Variants in POT1 observed in about 807,000 individuals in gnomAD.
The protein encoded by POT1 is protection of telomeres 1.
POT1 carries 47 observed loss-of-function variants against 78.5 expected under a neutral mutation model. That is an observed-to-expected ratio of 0.60 (90% confidence interval 0.47 to 0.76). The LOEUF is 0.76. POT1 is among the 30% of genes least tolerant of loss of function. The pLI is 0.00. For synonymous variants in POT1, 259 were observed against 260.7 expected (o/e 0.99, Z 0.06); for missense variants, 646 against 749.9 (o/e 0.86, Z 1.62).
At chr7:124,925,269 A>C (rs1474377930) in intron 2 of POT1, among the ~76,000 whole-genome samples, 6 of 152,134 alleles carry the variant, frequency 3.9e-5, no homozygotes, top group Non-Finnish European at 8.8e-5. Flanking sequence ...GCTTCAGGAT[A>C]CAAAATCAAT....
intron 14 of POT1, among the ~76,000 whole-genome samples, chr7:124,837,526 G>A (rs909258694): frequency 2.6e-5 from 4 of 151,928 alleles, no homozygotes; most frequent in Non-Finnish European, 4.4e-5. Flanking sequence ...ACTCACACAA[G>A]GAGAAACAGA....
chr7:124,914,323 C>T (rs548391148), intron 3 of POT1, among the ~76,000 whole-genome samples: 24 of 151,930 alleles, frequency 1.6e-4, no homozygotes, highest in African/African-American at 5.8e-4. Context: ...AATTTGAAGC[C>T]CCTTGAAATT....
At chr7:124,921,286 AAG>A (rs1437141135) in intron 2 of POT1, among the ~76,000 whole-genome samples, 1 of 152,284 alleles carries the variant, frequency 6.6e-6, no homozygotes, top group African/African-American at 2.4e-5. Context: ...ATATGTCAAA[AAG>A]AAATCAAATC....
At chr7:124,852,927 C>T (rs748705674) in intron 10 of POT1, 45 bp downstream of exon 10, 1 of 1,544,110 alleles carries the variant, frequency 6.5e-7, no homozygotes, top group Non-Finnish European at 8.8e-7. Flanking sequence ...TAGAAATCGG[C>T]TTAATCGATA....
At chr7:124,890,195 G>A (rs769046317) in intron 6 of POT1, among the ~76,000 whole-genome samples, 2 of 151,864 alleles carry the variant, frequency 1.3e-5, no homozygotes, top group Non-Finnish European at 2.9e-5. Flanking sequence ...AGACTTTGGT[G>A]GAATTAAGTC....
chr7:124,861,990 T>C (rs888099144), intron 8 of POT1, among the ~76,000 whole-genome samples: 4 of 152,202 alleles, frequency 2.6e-5, no homozygotes, highest in African/African-American at 7.2e-5. Flanking sequence ...AGTACAATGC[T>C]TTTTTGGTTA....
At chr7:124,896,719 A>G (rs1050450950) in intron 5 of POT1, among the ~76,000 whole-genome samples, 9 of 151,750 alleles carry the variant, frequency 5.9e-5, no homozygotes, top group African/African-American at 1.9e-4. Flanking sequence ...AGTGGGGAAA[A>G]TGGTTAAAAA....
At chr7:124,904,709 C>A (rs1165471998) in intron 3 of POT1, among the ~76,000 whole-genome samples, 1 of 152,130 alleles carries the variant, frequency 6.6e-6, no homozygotes, top group Non-Finnish European at 1.5e-5. Flanking sequence ...TCAAATTGTC[C>A]CTGTTTGCAG....
intron 12 of POT1, among the ~76,000 whole-genome samples, chr7:124,844,518 C>T (rs1375419289): frequency 2.0e-5 from 3 of 149,560 alleles, no homozygotes; most frequent in African/African-American, 4.9e-5. Flanking sequence ...GGGTAGATCA[C>T]GAGGTCAAGA....
intron 5 of POT1, chr7:124,892,613 A>G (rs1796397906): frequency 3.5e-6 from 1 of 287,644 alleles, no homozygotes; most frequent in African/African-American, 2.2e-5. Flanking sequence ...GGCATAACCT[A>G]TAATCTAATT....
chr7:124,904,601 T>C (rs1796712346), intron 3 of POT1, among the ~76,000 whole-genome samples: 1 of 152,062 alleles, frequency 6.6e-6, no homozygotes, highest in Non-Finnish European at 1.5e-5. Flanking sequence ...AGGGATGCCC[T>C]CTCTCACCAC....
intron 2 of POT1, among the ~76,000 whole-genome samples, chr7:124,925,124 C>G (rs1264172853): frequency 6.6e-6 from 1 of 151,740 alleles, no homozygotes; most frequent in East Asian, 1.9e-4. Flanking sequence ...AACAATGAGG[C>G]AAGGGAAAAA....
chr7:124,847,069 T>C, intron 11 of POT1, 71 bp from the exon 12 acceptor site: 4 of 1,022,714 alleles, frequency 3.9e-6, no homozygotes, highest in South Asian at 1.4e-5. Context: ...CAATGGAGCG[T>C]TGCTGAGAGA....
intron 12 of POT1, among the ~76,000 whole-genome samples, chr7:124,844,362 C>A (rs2116473341): frequency 6.6e-6 from 1 of 151,066 alleles, no homozygotes; most frequent in East Asian, 2.0e-4. Context: ...CTCCCGTCCT[C>A]AGGTGATCTG....
intron 18 of POT1, among the ~76,000 whole-genome samples, chr7:124,825,015 C>T (rs1301626524): frequency 6.6e-6 from 1 of 152,114 alleles, no homozygotes; most frequent in Non-Finnish European, 1.5e-5. Flanking sequence ...TCAAAACTAT[C>T]TCCCTTTCCT....
At position 124,840,176 on chromosome 7, in the gene POT1, T is replaced by C. The variant is rs141081343; in HGVS notation, c.1369+797A>G. On this transcript the variant is annotated intron_variant, in intron 14 of 18. Transcript: ENST00000357628. ...CTGACACATAATCACCCAAAGTCTATAATTTACATAGAATTCCCTCATTTA... is the reference window on the plus strand; with the variant it reads ...CTGACACATAATCACCCAAAGTCTACAATTTACATAGAATTCCCTCATTTA... Among the ~76,000 whole-genome samples, 136 of 152,186 alleles carry C rather than the reference T, an allele frequency of 8.9e-4. No homozygotes were observed. In the East Asian group the frequency reaches 0.019, roughly 21 times the overall value.
chr7:124,884,012 C>T (rs568937895), intron 6 of POT1, among the ~76,000 whole-genome samples: 3 of 151,626 alleles, frequency 2.0e-5, no homozygotes, highest in African/African-American at 7.3e-5. Flanking sequence ...ATGTCAATTC[C>T]GGATATGTGG....
intron 18 of POT1, among the ~76,000 whole-genome samples, chr7:124,824,824 T>A (rs566428074): frequency 1.3e-5 from 2 of 151,714 alleles, no homozygotes; most frequent in South Asian, 4.2e-4. Flanking sequence ...TCACAAAAAA[T>A]TGGTAAAACA....
intron 2 of POT1, among the ~76,000 whole-genome samples, chr7:124,917,737 A>T (rs1331606085): frequency 6.6e-6 from 1 of 152,198 alleles, no homozygotes; most frequent in Non-Finnish European, 1.5e-5. Flanking sequence ...GTCTCAGAGT[A>T]GAGGGGATAA....
Sources: gnomAD v4.1 joint callset for allele counts (sites outside exome capture counted in the v4.1 genomes callset) on GRCh38, gnomAD v4.1.1 for gene constraint, MANE v1.5 for transcripts, NCBI Gene and HGNC (gene_info 2026-07-23, HGNC 2026-07-21) for gene names.